The following FCN2 variants were observed in gnomAD, a reference collection of about 807,000 sequenced individuals.
The protein encoded by FCN2 is ficolin-2.
Under a neutral mutation model 32.5 loss-of-function variants are expected in FCN2, and 31 were observed. The ratio of observed to expected loss-of-function variants is 0.96; its 90% confidence interval spans 0.72 to 1.29. FCN2 has a LOEUF of 1.29. Ranked by LOEUF, FCN2 falls within the 50% of genes most tolerant of loss-of-function variation. FCN2 has a pLI of 0.00. For synonymous variants in FCN2, 181 were observed against 164.5 expected (o/e 1.10, Z -0.77); for missense variants, 412 against 406.5 (o/e 1.01, Z -0.12).
chr9:134,884,339 T>C (rs989142180), intron 3 of FCN2, among the ~76,000 whole-genome samples: 5 of 152,014 alleles, frequency 3.3e-5, no homozygotes, highest in African/African-American at 9.7e-5. Flanking sequence ...TGTCTAAACA[T>C]AAAATACGCA....
chr9:134,879,942 C>T (rs1312475470), upstream of FCN2, among the ~76,000 whole-genome samples: 1 of 152,120 alleles, frequency 6.6e-6, no homozygotes, highest in Admixed American at 6.5e-5. Flanking sequence ...CTGTCTCTGT[C>T]TCTAACCTGG....
chr9:134,880,760 G>C, upstream of FCN2: 1 of 1,319,092 alleles, frequency 7.6e-7, no homozygotes, highest in Non-Finnish European at 1.1e-6. Flanking sequence ...GGAGTCTGAG[G>C]GAGGCTGGCT....
the FCN2 span, among the ~76,000 whole-genome samples, chr9:134,872,801 G>A: frequency 0.47 from 71,929 of 151,944 alleles, 17,320 homozygotes; most frequent in East Asian, 0.58. Context: ...GTGAGATTTG[G>A]GTGGGGACAC....
At chr9:134,867,309 C>T in the FCN2 span, among the ~76,000 whole-genome samples, 1 of 151,342 alleles carries the variant, frequency 6.6e-6, no homozygotes, top group Admixed American at 6.6e-5. Flanking sequence ...ACTATGCAGC[C>T]ATAAAAAATG....
At chr9:134,876,779 C>T (rs981163761), upstream of FCN2, among the ~76,000 whole-genome samples, 4 of 152,046 alleles carry the variant, frequency 2.6e-5, no homozygotes, top group African/African-American at 7.2e-5. Flanking sequence ...GGTTTTGCCA[C>T]GTTGGCCAGG....
intron 2 of FCN2, 65 bp downstream of exon 2, chr9:134,882,704 C>T (rs1830682674): frequency 8.2e-6 from 9 of 1,097,414 alleles, no homozygotes; most frequent in Non-Finnish European, 9.7e-6. Flanking sequence ...CTGAGTTGGG[C>T]AACACCCCCA....
the FCN2 span, among the ~76,000 whole-genome samples, chr9:134,866,176 G>A: frequency 2.0e-5 from 3 of 150,608 alleles, no homozygotes; most frequent in Admixed American, 1.3e-4. Flanking sequence ...AGCCCACATC[G>A]CCAAGGCAAT....
chr9:134,886,850 G>A (rs1435317698), intron 7 of FCN2, among the ~76,000 whole-genome samples: 1 of 152,200 alleles, frequency 6.6e-6, no homozygotes, highest in Admixed American at 6.5e-5. Flanking sequence ...TCTCTGCGGG[G>A]CATGGCTGGA....
chr9:134,885,286 G>A lies in FCN2; in HGVS notation c.349G>A (p.Gly117Ser), dbSNP rs12684476. The change falls in exon 5 of 8, where the codon GGC becomes AGC. Residue 117 changes from glycine to serine, a missense_variant. Coordinates refer to ENST00000291744, the MANE Select transcript of FCN2 (RefSeq NM_004108.3). ...GCTAGACCGAGGGCACTTCCTGAGC[G>A]GCTGGCACACCATCTACCTGCCCGA... ...DLLDRGHFLS[G>S]WHTIYLPDCR... 1.1e-3 allele frequency: 1,746 copies of A among 1,614,160 alleles called. 35 individuals carry two copies. The East Asian group carries it at 0.031, about 29-fold the overall frequency.
At chr9:134,884,328 G>A (rs925269792) in intron 3 of FCN2, among the ~76,000 whole-genome samples, 1 of 152,160 alleles carries the variant, frequency 6.6e-6, no homozygotes, top group Non-Finnish European at 1.5e-5. Context: ...GTCATGGGTT[G>A]TGTCTAAACA....
the FCN2 span, among the ~76,000 whole-genome samples, chr9:134,870,363 T>C: frequency 6.6e-6 from 1 of 152,108 alleles, no homozygotes; most frequent in Non-Finnish European, 1.5e-5. This position sits in a 1 kb window ranked among gnomAD's most constrained non-coding sequence, Gnocchi z 4.3. Flanking sequence ...AGTGTAGACC[T>C]GGGCATGGCA....
At chr9:134,880,376 C>G (rs138634003), upstream of FCN2, among the ~76,000 whole-genome samples, 3 of 152,336 alleles carry the variant, frequency 2.0e-5, no homozygotes, top group East Asian at 5.8e-4. Context: ...GTGAGGGTTA[C>G]TGTGTAAGGC....
chr9:134,864,541 G>T, the FCN2 span, among the ~76,000 whole-genome samples: 2 of 152,168 alleles, frequency 1.3e-5, no homozygotes, highest in African/African-American at 2.4e-5. Flanking sequence ...AAGAACCACG[G>T]AGTTCCTTCA....
intron 6 of FCN2, 35 bp downstream of exon 6, chr9:134,885,932 C>G (rs1340282344): frequency 6.3e-7 from 1 of 1,587,010 alleles, no homozygotes; most frequent in African/African-American, 1.3e-5. Context: ...GGTCGGGGGC[C>G]CTGAATGGGG....
chr9:134,869,082 C>T, the FCN2 span, among the ~76,000 whole-genome samples: 1 of 152,168 alleles, frequency 6.6e-6, no homozygotes, highest in East Asian at 1.9e-4. Context: ...GAGTGTTCGC[C>T]GACCTCTGCA....
the FCN2 span, among the ~76,000 whole-genome samples, chr9:134,874,787 AT>A: frequency 1.3e-4 from 20 of 152,334 alleles, no homozygotes; most frequent in Non-Finnish European, 2.6e-4. Flanking sequence ...CTGCAGATCA[AT>A]TTGGGGAGAA....
At chr9:134,872,225 T>C in the FCN2 span, among the ~76,000 whole-genome samples, 1 of 151,516 alleles carries the variant, frequency 6.6e-6, no homozygotes, top group African/African-American at 2.4e-5. Flanking sequence ...TGTGTATCCA[T>C]TCAGCGGAGT....
chr9:134,870,545 C>T, the FCN2 span, among the ~76,000 whole-genome samples: 2 of 152,100 alleles, frequency 1.3e-5, no homozygotes, highest in African/African-American at 2.4e-5. The surrounding 1 kb of genome is among the most constrained non-coding windows in gnomAD (Gnocchi z 4.3). Context: ...GCAATAAGTG[C>T]CCTCGGGGGG....
the FCN2 span, among the ~76,000 whole-genome samples, chr9:134,872,273 G>C: frequency 1.4e-3 from 217 of 151,924 alleles, no homozygotes; most frequent in East Asian, 0.013. Flanking sequence ...CTGTGTATCC[G>C]ATCAGCAGAG....
Sources: gnomAD v4.1 joint callset for allele counts (sites outside exome capture counted in the v4.1 genomes callset) on GRCh38, gnomAD v4.1.1 for gene constraint, Gnocchi (gnomAD v3.1) non-coding constraint, MANE v1.5 for transcripts, NCBI Gene and HGNC (gene_info 2026-07-23, HGNC 2026-07-21) for gene names.